TMEM116: variants seen among roughly 807,000 people sequenced by gnomAD.
TMEM116 encodes transmembrane protein 116.
TMEM116 carries 38 observed loss-of-function variants against 44.3 expected under a neutral mutation model. The observed-to-expected ratio is 0.86, with a 90% confidence interval of 0.66 to 1.12. The LOEUF is 1.12. Among genes scored for constraint, TMEM116 ranks in the 50% most tolerant of loss-of-function variants. TMEM116 has a pLI of 0.00. For missense variants in TMEM116, 354 were observed against 401.7 expected (o/e 0.88, Z 1.01); for synonymous variants, 132 against 144.8 (o/e 0.91, Z 0.64).
At chr12:111,970,420 A>G (rs1167085141) in intron 4 of TMEM116, among the ~76,000 whole-genome samples, 4 of 152,206 alleles carry the variant, frequency 2.6e-5, no homozygotes, top group African/African-American at 9.6e-5. Context: ...AAAGCAGTTT[A>G]GGTGGTAGGA....
intron 10 of TMEM116, among the ~76,000 whole-genome samples, chr12:111,932,169 GA>G (rs1453605690): frequency 2.0e-5 from 3 of 151,354 alleles, no homozygotes; most frequent in Non-Finnish European, 2.9e-5. Flanking sequence ...ATCCAATAAA[GA>G]AAAAAAAGAG....
At chr12:111,933,633 C>T (rs371398470) in intron 9 of TMEM116, among the ~76,000 whole-genome samples, 2 of 150,600 alleles carry the variant, frequency 1.3e-5, no homozygotes, top group Admixed American at 6.6e-5. Context: ...GGACTATAGG[C>T]GCCTACCACC....
At chr12:111,957,610 C>T (rs1264932053) in intron 4 of TMEM116, among the ~76,000 whole-genome samples, 5 of 150,006 alleles carry the variant, frequency 3.3e-5, no homozygotes, top group African/African-American at 9.8e-5. Flanking sequence ...GCCGCCCCGT[C>T]CGGGAGGTGG....
At chr12:111,979,093 C>T (rs1300616503) in intron 4 of TMEM116, among the ~76,000 whole-genome samples, 1 of 151,994 alleles carries the variant, frequency 6.6e-6, no homozygotes. Flanking sequence ...ATCTAGATGA[C>T]CTTGGGTCAC....
At chr12:111,990,758 TAA>T (rs1213349248) in intron 4 of TMEM116, among the ~76,000 whole-genome samples, 1 of 152,190 alleles carries the variant, frequency 6.6e-6, no homozygotes, top group African/African-American at 2.4e-5. Context: ...GTAAAATTCA[TAA>T]AAGATATACA....
chr12:111,945,576 A>G (rs1480239669), intron 4 of TMEM116, among the ~76,000 whole-genome samples: 1 of 152,132 alleles, frequency 6.6e-6, no homozygotes, highest in Non-Finnish European at 1.5e-5. Flanking sequence ...ACATTCTTCA[A>G]TAGCAAAGAT....
chr12:111,958,277 TAA>T (rs61637468), intron 4 of TMEM116, among the ~76,000 whole-genome samples: 4,289 of 26,474 alleles, frequency 0.16, 16 homozygotes, highest in Non-Finnish European at 0.23. Flanking sequence ...CAATAAATAC[TAA>T]AAAAAAAAAA....
intron 4 of TMEM116, among the ~76,000 whole-genome samples, chr12:111,989,826 T>G (rs980286882): frequency 2.6e-5 from 4 of 152,010 alleles, no homozygotes; most frequent in African/African-American, 9.7e-5. Flanking sequence ...ATTTGGAGGG[T>G]GATGGAAACA....
At chr12:112,009,789 T>C (rs1212264315) in intron 1 of TMEM116, among the ~76,000 whole-genome samples, 8 of 150,482 alleles carry the variant, frequency 5.3e-5, no homozygotes, top group Middle Eastern at 3.4e-3. Context: ...GAGGTTGCAG[T>C]GAGCTGAGAT....
At chr12:112,002,683 C>T (rs951606664) in intron 3 of TMEM116, among the ~76,000 whole-genome samples, 10 of 152,164 alleles carry the variant, frequency 6.6e-5, no homozygotes, top group African/African-American at 2.2e-4. Flanking sequence ...GTGAAATGGG[C>T]CTAATACTAT....
intron 4 of TMEM116, among the ~76,000 whole-genome samples, chr12:111,991,483 C>A (rs1444005358): frequency 4.0e-5 from 6 of 148,592 alleles, no homozygotes; most frequent in African/African-American, 1.2e-4. Context: ...GAGATCGCAC[C>A]ACTGTACTCC....
At chr12:111,980,955 T>C (rs1351997583) in intron 4 of TMEM116, among the ~76,000 whole-genome samples, 1 of 151,968 alleles carries the variant, frequency 6.6e-6, no homozygotes, top group African/African-American at 2.4e-5. Flanking sequence ...GTGCCTGTAG[T>C]TCCAGCTACT....
At chr12:112,003,613 G>A in intron 3 of TMEM116, 187 bp downstream of exon 3, 2 of 648,050 alleles carry the variant, frequency 3.1e-6, no homozygotes, top group Non-Finnish European at 4.7e-6. Context: ...CAAAGTTATA[G>A]CTAAAATAAT....
intron 5 of TMEM116, among the ~76,000 whole-genome samples, chr12:111,942,260 TTTTTGTTTTTG>T (rs1373084656): frequency 6.7e-6 from 1 of 149,226 alleles, no homozygotes; most frequent in Non-Finnish European, 1.5e-5. Context: ...TGTTTGCTTG[TTTTTGTTTTTG>T]TTTTGTTTTG....
chr12:111,994,235 T>C lies in TMEM116; in HGVS notation c.79-2346A>G, dbSNP rs147781176. 7.2e-3 allele frequency among the ~76,000 whole-genome samples: 1,092 copies of C among 151,786 alleles called. 13 individuals carry two copies. Among genetic ancestry groups the C allele is most frequent in the African/African-American group, 0.025 (1,054 of 41,364 alleles). Reference sequence around the variant, plus strand: ...TTACTATTGAAATAAACCCAACTCTTCAGGAAAAAAAGAAAGAAATATAAA... The same window carrying C: ...TTACTATTGAAATAAACCCAACTCTCCAGGAAAAAAAGAAAGAAATATAAA... On this transcript the variant is annotated intron_variant, in intron 3 of 10. Transcript: ENST00000552374.
intron 3 of TMEM116, among the ~76,000 whole-genome samples, chr12:112,000,010 T>C (rs938925180): frequency 4.6e-5 from 7 of 152,248 alleles, no homozygotes; most frequent in Admixed American, 1.3e-4. Flanking sequence ...TAGACTTTTG[T>C]AGATTTTTCT....
In TMEM116 at chr12:111,931,724, G is replaced by A. The variant is rs750838586; in HGVS notation, c.911C>T (p.Thr304Ile). ...LKQEARRDAD[T>I]QTPLLCSQKR... ...CTGTGAGCATAATAATGGTGTCTGG[G>A]TATCTGCATCACGCCGAGCCTCCTG... Residue 304 changes from threonine to isoleucine, a missense_variant, in exon 11 of 11, where the codon ACC becomes ATC. Physicochemically the swap from Thr to Ile is moderately conservative, Grantham distance 89. Coordinates refer to ENST00000552374, the MANE Select transcript of TMEM116 (RefSeq NM_001193531.2). The A allele has an allele frequency of 6.2e-7, 1 of 1,613,636 alleles. No homozygotes were observed. Among genetic ancestry groups the A allele is most frequent in the East Asian group, 2.2e-5 (1 of 44,856 alleles).
rs1461249849 is a variant in TMEM116 at position 112,005,323 on chromosome 12, C to T, written c.-33-20G>A. On this transcript the variant is annotated intron_variant, in intron 1 of 10. Coordinates refer to ENST00000552374, the MANE Select transcript of TMEM116 (RefSeq NM_001193531.2). ...AAGAACCTAAGCAAAACAAGGAAAA[C>T]GGAATAAAATTAAACCTTTTACATT... The T allele has an allele frequency of 2.6e-5, 33 of 1,286,284 alleles. No homozygotes were observed. Among genetic ancestry groups the T allele is most frequent in the Middle Eastern group, 2.0e-4 (1 of 5,046 alleles). 79.7% of individuals were successfully genotyped at this position (1,286,284 alleles called of 1,614,324 possible). A position where few individuals can be genotyped will look rare whatever the true frequency, so the allele number is the denominator to read the frequency against.
chr12:111,948,683 T>C (rs1376007343), intron 4 of TMEM116, among the ~76,000 whole-genome samples: 1 of 152,166 alleles, frequency 6.6e-6, no homozygotes, highest in Non-Finnish European at 1.5e-5. Flanking sequence ...CTTTTAAAAA[T>C]TTAAAACAAA....
Sources: allele counts gnomAD v4.1 joint callset (sites outside exome capture counted in the v4.1 genomes callset), GRCh38; gene constraint gnomAD v4.1.1; transcripts MANE v1.5; gene names NCBI Gene and HGNC (gene_info 2026-07-23, HGNC 2026-07-21).